Variants in CUX1 observed in about 807,000 individuals in gnomAD.
CUX1 encodes cut like homeobox 1.
Under a neutral mutation model 158.8 loss-of-function variants are expected in CUX1, and 31 were observed. That is an observed-to-expected ratio of 0.20 (90% CI 0.15 to 0.26). The LOEUF (loss-of-function observed/expected upper bound fraction) is 0.26, where lower values mean the gene tolerates loss of function less well. Ranked by LOEUF, CUX1 falls within the 10% of genes least tolerant of loss-of-function variation. The pLI is 1.00. For missense variants in CUX1, 1,589 were observed against 2,014.6 expected (o/e 0.79, Z 4.04); for synonymous variants, 879 against 862.1 (o/e 1.02, Z -0.34).
At chr7:101,945,760 AGG>A (rs1382312964) in intron 2 of CUX1, among the ~76,000 whole-genome samples, 6 of 152,324 alleles carry the variant, frequency 3.9e-5, no homozygotes, top group African/African-American at 1.4e-4. Flanking sequence ...CGCTAGGTTC[AGG>A]GAGCCAGACG....
intron 1 of CUX1, among the ~76,000 whole-genome samples, chr7:101,826,115 C>A (rs1793265477): frequency 6.6e-6 from 1 of 152,228 alleles, no homozygotes; most frequent in East Asian, 1.9e-4. Context: ...TAGAATGACT[C>A]CAGAATCTTG....
intron 2 of CUX1, among the ~76,000 whole-genome samples, chr7:101,936,803 A>T (rs1478525856): frequency 6.6e-6 from 1 of 152,176 alleles, no homozygotes; most frequent in Admixed American, 6.5e-5. Flanking sequence ...TCATGCAATC[A>T]GGGTTCCCAG....
At chr7:102,028,281 T>C (rs1156348259) in intron 3 of CUX1, 136 bp downstream of exon 3, 3 of 807,250 alleles carry the variant, frequency 3.7e-6, no homozygotes, top group East Asian at 2.6e-5. Flanking sequence ...CCCAGCGTCA[T>C]GCAGATTTTG....
At chr7:101,836,341 C>A (rs1794626903) in intron 1 of CUX1, among the ~76,000 whole-genome samples, 1 of 152,092 alleles carries the variant, frequency 6.6e-6, no homozygotes, top group South Asian at 2.1e-4. Context: ...ATTTTGTGCT[C>A]AGGCAGGTGG....
intron 14 of CUX1, among the ~76,000 whole-genome samples, chr7:102,266,642 G>A (rs1348310094): frequency 6.6e-6 from 1 of 152,116 alleles, no homozygotes; most frequent in Non-Finnish European, 1.5e-5. Context: ...GCTTAGCAGG[G>A]AGGGCAAGGA....
chr7:101,824,132 G>A (rs1792987801), intron 1 of CUX1, among the ~76,000 whole-genome samples: 1 of 152,160 alleles, frequency 6.6e-6, no homozygotes, highest in Admixed American at 6.5e-5. Context: ...CTGTCGCCCA[G>A]CCTGGAGTGC....
chr7:102,083,437 G>T (rs1827658039), intron 4 of CUX1, among the ~76,000 whole-genome samples: 1 of 146,922 alleles, frequency 6.8e-6, no homozygotes, highest in South Asian at 2.2e-4. Context: ...CTCTCGAGTA[G>T]CTGGGACTAC....
chr7:102,010,537 A>G (rs1024787877), intron 2 of CUX1, among the ~76,000 whole-genome samples: 1 of 152,210 alleles, frequency 6.6e-6, no homozygotes, highest in African/African-American at 2.4e-5. Flanking sequence ...CAGGCAACAT[A>G]CATGTGATGT....
chr7:101,988,891 C>A (rs571772369), intron 2 of CUX1, among the ~76,000 whole-genome samples: 1 of 151,988 alleles, frequency 6.6e-6, no homozygotes, highest in South Asian at 2.1e-4. Flanking sequence ...CCCAGCTACT[C>A]GGAAGGCCAA....
At chr7:102,127,165 C>CA (rs782358284) in intron 8 of CUX1, among the ~76,000 whole-genome samples, 8 of 152,156 alleles carry the variant, frequency 5.3e-5, no homozygotes, top group Non-Finnish European at 1.0e-4. Context: ...CAGATGTGGC[C>CA]AAGGGACTGG....
rs1801270730 is a variant in CUX1 at position 102,249,650 on chromosome 7, ATTATC to A, written c.*611_*615del. The A allele has an allele frequency of 1.6e-5, 16 of 985,060 alleles. No individual in the cohort carries two copies. In the South Asian group the frequency reaches 7.1e-4, roughly 43 times the overall value. The allele number at this position is 985,060 out of a possible 1,614,324, so 61.0% of individuals were successfully genotyped here. A position where few individuals can be genotyped will look rare whatever the true frequency, so the allele number is the denominator to read the frequency against. On this transcript the variant is annotated 3_prime_UTR_variant, in exon 24 of 24. Coordinates refer to ENST00000292535, the MANE Select transcript of CUX1 (RefSeq NM_181552.4). ...AATGGCTTCAGAGCGATAATACACT[ATTATC>A]TTCTTAAACCAGGAAAAAATAAAAG...
chr7:101,823,872 T>TAAAAA (rs1367370144), intron 1 of CUX1, among the ~76,000 whole-genome samples: 2 of 152,204 alleles, frequency 1.3e-5, no homozygotes, highest in Non-Finnish European at 2.9e-5. Flanking sequence ...GACAGCTTTT[T>TAAAAA]GTTAAATGTA....
intron 1 of CUX1, among the ~76,000 whole-genome samples, chr7:101,893,578 A>G (rs1801139112): frequency 6.6e-6 from 1 of 152,120 alleles, no homozygotes. Context: ...TTTTGGGCCA[A>G]GTTTGCCAAA....
intron 5 of CUX1, among the ~76,000 whole-genome samples, chr7:102,100,273 A>G (rs1829638417): frequency 6.6e-6 from 1 of 152,144 alleles, no homozygotes; most frequent in African/African-American, 2.4e-5. Context: ...GCGAGACTCC[A>G]TCTCTAAAAA....
At chr7:102,133,395 T>C (rs1833537875) in intron 8 of CUX1, among the ~76,000 whole-genome samples, 1 of 151,798 alleles carries the variant, frequency 6.6e-6, no homozygotes, top group Non-Finnish European at 1.5e-5. Flanking sequence ...TCCCTCATTC[T>C]AGGGGCTCTT....
intron 2 of CUX1, among the ~76,000 whole-genome samples, chr7:101,983,903 A>T (rs1345144269): frequency 6.6e-6 from 1 of 151,236 alleles, no homozygotes; most frequent in African/African-American, 2.4e-5. Flanking sequence ...GTGTGGTGGC[A>T]TGTACCTGTA....
chr7:101,885,239 A>G (rs1165032972), intron 1 of CUX1, among the ~76,000 whole-genome samples: 1 of 152,120 alleles, frequency 6.6e-6, no homozygotes, highest in Non-Finnish European at 1.5e-5. Flanking sequence ...CTCCATCCAG[A>G]GGCTCTCTGG....
At chr7:101,881,268 C>G (rs1304665081) in intron 1 of CUX1, among the ~76,000 whole-genome samples, 1 of 152,206 alleles carries the variant, frequency 6.6e-6, no homozygotes, top group African/African-American at 2.4e-5. Flanking sequence ...ACTAATTGCC[C>G]TGTATCAGGC....
intron 2 of CUX1, among the ~76,000 whole-genome samples, chr7:101,986,690 T>C (rs1814346314): frequency 1.3e-5 from 2 of 152,118 alleles, no homozygotes; most frequent in East Asian, 1.9e-4. Context: ...CAGAACCAAG[T>C]GTTAACTGGT....
Sources: allele counts gnomAD v4.1 joint callset (sites outside exome capture counted in the v4.1 genomes callset), GRCh38; gene constraint gnomAD v4.1.1; transcripts MANE v1.5; gene names NCBI Gene and HGNC (gene_info 2026-07-23, HGNC 2026-07-21).